Variants in DOK5 observed in about 807,000 individuals in gnomAD.
The protein encoded by DOK5 is downstream of tyrosine kinase 5.
Under a neutral mutation model 43.3 loss-of-function variants are expected in DOK5, and 27 were observed. The observed-to-expected ratio is 0.62, with a 90% CI of 0.46 to 0.86. DOK5 has a LOEUF of 0.86. DOK5 is among the 40% of genes least tolerant of loss of function. The pLI, the probability that DOK5 is intolerant of heterozygous loss-of-function variation, is 0.00. For synonymous variants in DOK5, 146 were observed against 140.1 expected, an observed-to-expected ratio of 1.04 and a Z score of -0.30; for missense variants, 373 against 392.9, an observed-to-expected ratio of 0.95 and a Z score of 0.43.
intron 5 of DOK5, 40 bp from the exon 6 acceptor site, chr20:54,610,348 C>T (rs189142976): frequency 2.0e-5 from 29 of 1,466,024 alleles, no homozygotes; most frequent in East Asian, 7.3e-5. Flanking sequence ...AACTTCTAGG[C>T]GCTGGATTTT....
intron 2 of DOK5, among the ~76,000 whole-genome samples, chr20:54,571,043 A>C (rs1386268717): frequency 2.0e-5 from 3 of 152,198 alleles, no homozygotes; most frequent in Non-Finnish European, 2.9e-5. Context: ...TTAATTTGGC[A>C]GTCCATTTTT....
At position 54,554,954 on chromosome 20, in the gene DOK5, G is replaced by C; in HGVS notation, c.88G>C (p.Val30Leu). The change falls in exon 2 of 8, where the codon GTA becomes CTA. Residue 30 changes from valine to leucine, a missense_variant. Transcript: ENST00000262593. ...CCAGATTTATCAGCGATGCTGGTTA[G>C]TATTCAAGAAAGCTTCAAGCAAAGG... ...RLGIYQRCWL[V>L]FKKASSKGPK... 1.2e-6 allele frequency: 2 copies of C among 1,613,138 alleles called. No homozygotes were observed. The highest frequency in any genetic ancestry group is 1.7e-6 in the Non-Finnish European group (2 of 1,179,138).
At chr20:54,484,133 C>A (rs1006144927) in intron 1 of DOK5, among the ~76,000 whole-genome samples, 1 of 152,140 alleles carries the variant, frequency 6.6e-6, no homozygotes, top group Non-Finnish European at 1.5e-5. Flanking sequence ...AATCCCAGCA[C>A]TTTGGGAGGC....
chr20:54,534,223 A>C (rs6023344), intron 1 of DOK5, among the ~76,000 whole-genome samples: 2 of 152,024 alleles, frequency 1.3e-5, no homozygotes, highest in African/African-American at 4.8e-5. Flanking sequence ...GTCTCACTCT[A>C]TTGCCCAGGC....
intron 1 of DOK5, among the ~76,000 whole-genome samples, chr20:54,478,040 A>C (rs1981506207): frequency 1.3e-5 from 2 of 152,234 alleles, no homozygotes; most frequent in Non-Finnish European, 2.9e-5. Context: ...ATACTTTCTC[A>C]AGATTTATTC....
chr20:54,603,173 A>G (rs1024964692), intron 5 of DOK5, among the ~76,000 whole-genome samples: 2 of 152,258 alleles, frequency 1.3e-5, no homozygotes, highest in African/African-American at 2.4e-5. Context: ...CAGCTGTCCC[A>G]TGCTCAGAAT....
intron 2 of DOK5, among the ~76,000 whole-genome samples, chr20:54,567,040 A>G (rs905049100): frequency 6.6e-6 from 1 of 151,282 alleles, no homozygotes; most frequent in African/African-American, 2.4e-5. Flanking sequence ...ACTATTGAGT[A>G]TTGGGAGTGT....
chr20:54,554,235 A>G (rs1208740594), intron 1 of DOK5, among the ~76,000 whole-genome samples: 51 of 152,196 alleles, frequency 3.4e-4, no homozygotes, highest in Admixed American at 3.3e-3. Context: ...GTGAAGAACT[A>G]AAATGTCTCT....
At position 54,591,755 on chromosome 20, in the gene DOK5, C is replaced by G; in HGVS notation, c.549C>G (p.Ala183=). 6.2e-7 allele frequency: 1 copy of G among 1,614,190 alleles called. No individual in the cohort carries two copies. The highest frequency in any genetic ancestry group is 8.5e-7 in the Non-Finnish European group (1 of 1,180,040). The change falls in exon 5 of 8, where the codon GCC becomes GCG. Residue 183 remains alanine (A), a synonymous_variant. Transcript: ENST00000262593. ...RVKLISWPLS[A]LRRYGRDTTW... ...AACTCATCTCTTGGCCGCTAAGCGC[C>G]CTGCGGCGGTATGGACGTGATACTA...
intron 1 of DOK5, among the ~76,000 whole-genome samples, chr20:54,497,946 G>A (rs1982462088): frequency 6.6e-6 from 1 of 152,134 alleles, no homozygotes; most frequent in African/African-American, 2.4e-5. Context: ...GTTGGAAGGT[G>A]ATTTCTTTTA....
At chr20:54,502,851 CATT>C (rs1157178375) in intron 1 of DOK5, among the ~76,000 whole-genome samples, 7 of 152,142 alleles carry the variant, frequency 4.6e-5, no homozygotes, top group African/African-American at 1.7e-4. Flanking sequence ...TATATTTTAT[CATT>C]ATTATAAATA....
chr20:54,480,000 C>T (rs986989663), intron 1 of DOK5, among the ~76,000 whole-genome samples: 5 of 152,018 alleles, frequency 3.3e-5, no homozygotes, highest in Admixed American at 1.3e-4. Context: ...GACCCTGGTC[C>T]GAACCCTCCT....
chr20:54,545,202 G>A (rs967436072), intron 1 of DOK5, among the ~76,000 whole-genome samples: 1 of 152,130 alleles, frequency 6.6e-6, no homozygotes, highest in Admixed American at 6.5e-5. Flanking sequence ...TGCAAAGATG[G>A]TTTCACTCTT....
chr20:54,549,293 G>A (rs565530355), intron 1 of DOK5, among the ~76,000 whole-genome samples: 16 of 152,294 alleles, frequency 1.1e-4, no homozygotes, highest in African/African-American at 3.8e-4. Context: ...ATTATCCTGA[G>A]TGATGCTGGA....
chr20:54,597,677 C>T lies in DOK5; in HGVS notation c.599+5872C>T, dbSNP rs531204799. Among the ~76,000 whole-genome samples, 6 of 152,294 alleles carry T rather than the reference C, an allele frequency of 3.9e-5. No homozygotes were observed. The South Asian group carries it at 6.2e-4, about 16-fold the overall frequency. On this transcript the variant is annotated intron_variant, in intron 5 of 7. Transcript: ENST00000262593. ...AACTCCATAGATTTTTAAGAAGGCT[C>T]ACCTTCTACTGGAGGTTAGCCTAGT...
chr20:54,570,996 G>T (rs1487908058), intron 2 of DOK5, among the ~76,000 whole-genome samples: 3 of 152,184 alleles, frequency 2.0e-5, no homozygotes, highest in Non-Finnish European at 4.4e-5. Context: ...CATTTATGAT[G>T]AATAAGACAT....
chr20:54,636,721 G>C (rs1449040107), intron 6 of DOK5, among the ~76,000 whole-genome samples: 1 of 152,190 alleles, frequency 6.6e-6, no homozygotes, highest in Non-Finnish European at 1.5e-5. Flanking sequence ...TGGTGTGTCT[G>C]ACCTCACATC....
chr20:54,600,976 G>C (rs1242971260), intron 5 of DOK5, among the ~76,000 whole-genome samples: 1 of 152,212 alleles, frequency 6.6e-6, no homozygotes, highest in Non-Finnish European at 1.5e-5. Flanking sequence ...ACTCATGTGA[G>C]GGACAAGAAT....
chr20:54,542,139 C>CACAT (rs1555828960), intron 1 of DOK5, among the ~76,000 whole-genome samples: 4 of 150,938 alleles, frequency 2.7e-5, no homozygotes, highest in African/African-American at 9.8e-5. Flanking sequence ...CACACACACA[C>CACAT]GCATGTAAGC....
Sources: gnomAD v4.1 joint callset for allele counts (sites outside exome capture counted in the v4.1 genomes callset) on GRCh38, gnomAD v4.1.1 for gene constraint, MANE v1.5 for transcripts, NCBI Gene and HGNC (gene_info 2026-07-23, HGNC 2026-07-21) for gene names.